DCC: variants seen among roughly 807,000 people sequenced by gnomAD.
DCC encodes the protein netrin receptor DCC.
DCC carries 58 observed loss-of-function variants against 172.5 expected under a neutral mutation model. That is an observed-to-expected ratio of 0.34 (90% CI 0.27 to 0.42). DCC has a LOEUF of 0.42. Ranked by LOEUF, DCC falls within the 10% of genes least tolerant of loss-of-function variation. The pLI is 1.00. For missense variants in DCC, 1,740 were observed against 1,791.0 expected (o/e 0.97, Z 0.51); for synonymous variants, 709 against 644.5 (o/e 1.10, Z -1.52).
chr18:52,393,467 C>A (rs1986105278), intron 1 of DCC, among the ~76,000 whole-genome samples: 1 of 151,970 alleles, frequency 6.6e-6, no homozygotes, highest in African/African-American at 2.4e-5. Flanking sequence ...ATATTTTAAT[C>A]TCTATATTAT....
At chr18:52,841,286 TA>T (rs369740348) in intron 2 of DCC, among the ~76,000 whole-genome samples, 1,563 of 147,786 alleles carry the variant, frequency 0.011, 24 homozygotes, top group African/African-American at 0.037. Context: ...GTTTTCTGCT[TA>T]AAAAAAAAAC....
chr18:53,307,153 T>C (rs1334338161), intron 13 of DCC, among the ~76,000 whole-genome samples: 1 of 152,216 alleles, frequency 6.6e-6, no homozygotes, highest in African/African-American at 2.4e-5. Flanking sequence ...TTTAGCATAA[T>C]GGCCAGAGCA....
chr18:52,374,248 C>A (rs964358395), intron 1 of DCC, among the ~76,000 whole-genome samples: 1 of 151,994 alleles, frequency 6.6e-6, no homozygotes, highest in Non-Finnish European at 1.5e-5. Context: ...TGAGTAGAAC[C>A]TAAAGAGAGT....
intron 1 of DCC, among the ~76,000 whole-genome samples, chr18:52,695,222 A>AT (rs1375076484): frequency 6.6e-6 from 1 of 152,158 alleles, no homozygotes; most frequent in African/African-American, 2.4e-5. Context: ...ATGGGCCTCA[A>AT]TTTCTTCAGT....
At chr18:53,183,269 C>T (rs563005717) in intron 9 of DCC, among the ~76,000 whole-genome samples, 4 of 152,204 alleles carry the variant, frequency 2.6e-5, no homozygotes, top group African/African-American at 7.2e-5. Flanking sequence ...GCCCAAGATC[C>T]AGTTTATGAA....
chr18:53,529,237 T>G lies in DCC; in HGVS notation c.4255-1327T>G, dbSNP rs2046498740. ...CATTAATACCATACATTTTGAGCTG[T>G]TTTTTCAATGGCTGGAGTAGCTTTG... On this transcript the variant is annotated intron_variant, in intron 28 of 28. Transcript: ENST00000442544. 5.9e-5 allele frequency among the ~76,000 whole-genome samples: 9 copies of G among 152,156 alleles called. No homozygotes were observed. The South Asian group carries it at 1.7e-3, about 28-fold the overall frequency.
chr18:52,538,469 C>T (rs1347813712), intron 1 of DCC, among the ~76,000 whole-genome samples: 1 of 152,072 alleles, frequency 6.6e-6, no homozygotes. Context: ...CCTGATGTAC[C>T]CTGTTCAAAC....
intron 27 of DCC, among the ~76,000 whole-genome samples, chr18:53,526,408 G>C (rs1048140216): frequency 6.6e-6 from 1 of 152,162 alleles, no homozygotes; most frequent in Non-Finnish European, 1.5e-5. Context: ...GGCTAGTGGA[G>C]CTGCATCTGG....
chr18:53,203,232 TGTGC>T lies in DCC; in HGVS notation c.1574-1980_1574-1977del, dbSNP rs1050332877. ...GTGTGTGTGTGTGTGTGTGTGTGTG[TGTGC>T]GTGTGTGTGTGTATGTAATTATACA... On this transcript the variant is annotated intron_variant, in intron 9 of 28. Transcript: ENST00000442544. Among the ~76,000 whole-genome samples, 16 of 148,648 alleles carry T rather than the reference TGTGC, an allele frequency of 1.1e-4. No homozygotes were observed. The South Asian group carries it at 1.7e-3, about 16-fold the overall frequency.
intron 2 of DCC, among the ~76,000 whole-genome samples, chr18:52,769,278 G>A (rs916779055): frequency 6.6e-6 from 1 of 152,102 alleles, no homozygotes; most frequent in Non-Finnish European, 1.5e-5. Flanking sequence ...CTAATTAGAC[G>A]CATAGTGGTA....
chr18:52,576,746 C>A (rs922690386), intron 1 of DCC, among the ~76,000 whole-genome samples: 1 of 150,724 alleles, frequency 6.6e-6, no homozygotes, highest in South Asian at 2.1e-4. Context: ...AGGAGAATGG[C>A]GTGAACCCGG....
At chr18:52,576,316 G>A (rs2033410308) in intron 1 of DCC, among the ~76,000 whole-genome samples, 3 of 152,162 alleles carry the variant, frequency 2.0e-5, no homozygotes, top group South Asian at 4.1e-4. Context: ...AGCAATTTCC[G>A]TAGCCCTGCT....
rs568717914 is a variant in DCC at position 52,576,786 on chromosome 18, C to T, written c.92-175268C>T. Among the ~76,000 whole-genome samples, 13 of 150,174 alleles carry T rather than the reference C, an allele frequency of 8.7e-5. No individual in the cohort carries two copies. In the South Asian group the frequency reaches 1.1e-3, roughly 12 times the overall value. On this transcript the variant is annotated intron_variant, in intron 1 of 28. Coordinates refer to ENST00000442544, the MANE Select transcript of DCC (RefSeq NM_005215.4). ...CAGAGCTTGCAGTAAGCTGAGATTG[C>T]GCCACTGCACTCCATCCTGGGTGAC...
chr18:53,139,174 A>G lies in DCC; in HGVS notation c.1262-18182A>G, dbSNP rs574893100. Among the ~76,000 whole-genome samples, 12 of 152,314 alleles carry G rather than the reference A, an allele frequency of 7.9e-5. No homozygotes were observed. In the South Asian group the frequency reaches 2.3e-3, roughly 29 times the overall value. ...TCACTCAAAACACAGTGATAATACAATTCCTCATCAAAATAAACCATTACT... is the reference window on the plus strand; with the variant it reads ...TCACTCAAAACACAGTGATAATACAGTTCCTCATCAAAATAAACCATTACT... On this transcript the variant is annotated intron_variant, in intron 7 of 28. Transcript: ENST00000442544.
intron 1 of DCC, among the ~76,000 whole-genome samples, chr18:52,609,092 AATAAAT>A: frequency 6.6e-6 from 1 of 152,314 alleles, no homozygotes; most frequent in East Asian, 1.9e-4. Context: ...TGTAAATGTA[AATAAAT>A]ATAAAGGTGT....
At chr18:52,791,475 TTTTTTTTG>T (rs2037769216) in intron 2 of DCC, among the ~76,000 whole-genome samples, 1 of 150,600 alleles carries the variant, frequency 6.6e-6, no homozygotes, top group African/African-American at 2.4e-5. Context: ...GTGTTTTGTT[TTTTTTTTG>T]TTTTTTTCCT....
chr18:53,420,454 G>C (rs1273182207), intron 21 of DCC, among the ~76,000 whole-genome samples: 1 of 152,102 alleles, frequency 6.6e-6, no homozygotes, highest in Non-Finnish European at 1.5e-5. Flanking sequence ...GCCAGCTTGG[G>C]TTGTCAATAC....
chr18:53,187,494 A>C (rs1312878131), intron 9 of DCC, among the ~76,000 whole-genome samples: 2 of 152,130 alleles, frequency 1.3e-5, no homozygotes, highest in Non-Finnish European at 2.9e-5. Flanking sequence ...TCTAACGCAG[A>C]TATAATTTGA....
chr18:53,369,326 CGTGT>C (rs1363974679), intron 15 of DCC, among the ~76,000 whole-genome samples: 3 of 151,716 alleles, frequency 2.0e-5, no homozygotes, highest in African/African-American at 7.2e-5. Flanking sequence ...TTTTTTTGTA[CGTGT>C]TTCTGTAGAA....
Sources: gnomAD v4.1 joint callset for allele counts (sites outside exome capture counted in the v4.1 genomes callset) on GRCh38, gnomAD v4.1.1 for gene constraint, MANE v1.5 for transcripts, NCBI Gene and HGNC (gene_info 2026-07-23, HGNC 2026-07-21) for gene names.